The following FNDC3B variants were observed in gnomAD, a reference collection of about 807,000 sequenced individuals.
FNDC3B encodes the protein fibronectin type III domain containing 3B, also known as fibronectin type III domain-containing protein 3B.
In FNDC3B, 12 loss-of-function variants were observed where a neutral mutation model predicts 151.5. That is an observed-to-expected ratio of 0.08 (90% CI 0.05 to 0.13). The LOEUF (loss-of-function observed/expected upper bound fraction) is 0.13, where lower values mean the gene tolerates loss of function less well. FNDC3B is among the 10% of genes least tolerant of loss of function. The probability of loss-of-function intolerance (pLI) is 1.00; values close to 1 mark genes in which losing one functional copy is unlikely to be tolerated. For missense variants in FNDC3B, 1,214 were observed against 1,505.3 expected, an observed-to-expected ratio of 0.81 and a Z score of 3.20; for synonymous variants, 528 against 549.0, an observed-to-expected ratio of 0.96 and a Z score of 0.54.
intron 1 of FNDC3B, among the ~76,000 whole-genome samples, chr3:172,066,179 C>T (rs796692939): frequency 6.6e-6 from 1 of 152,140 alleles, no homozygotes; most frequent in Non-Finnish European, 1.5e-5. Context: ...GTTCTGTCTT[C>T]CCATGATTCT....
At chr3:172,114,584 T>G (rs1720149226) in intron 2 of FNDC3B, among the ~76,000 whole-genome samples, 2 of 152,174 alleles carry the variant, frequency 1.3e-5, no homozygotes, top group Admixed American at 6.5e-5. Flanking sequence ...CAATTTTGGT[T>G]AATAAAACCA....
At chr3:172,343,933 A>G (rs146084895) in intron 18 of FNDC3B, among the ~76,000 whole-genome samples, 153 bp from the exon 19 acceptor site, 1 of 152,232 alleles carries the variant, frequency 6.6e-6, no homozygotes, top group African/African-American at 2.4e-5. Flanking sequence ...TTATTTTTAT[A>G]TCTCTTTTTT....
At chr3:172,237,189 C>T (rs759614625) in intron 4 of FNDC3B, 1 of 152,256 alleles carries the variant, frequency 6.6e-6, no homozygotes, top group Non-Finnish European at 1.5e-5. Context: ...AGACAAGCAC[C>T]AGTACCTTCA....
At chr3:172,363,587 A>T (rs1323169134) in intron 23 of FNDC3B, among the ~76,000 whole-genome samples, 1 of 152,230 alleles carries the variant, frequency 6.6e-6, no homozygotes, top group African/African-American at 2.4e-5. Flanking sequence ...TAAAACCAAA[A>T]CAACCAAAAT....
chr3:172,146,054 T>C (rs1002841114), intron 3 of FNDC3B, among the ~76,000 whole-genome samples: 4 of 152,120 alleles, frequency 2.6e-5, no homozygotes, highest in Non-Finnish European at 5.9e-5. Context: ...CTCAGGTGAT[T>C]TGCCCGCCTC....
chr3:172,115,220 A>G (rs1048178795), intron 2 of FNDC3B, among the ~76,000 whole-genome samples: 2 of 152,090 alleles, frequency 1.3e-5, no homozygotes, highest in Non-Finnish European at 2.9e-5. Flanking sequence ...AACATTTAGC[A>G]TTGGCCTAGG....
intron 2 of FNDC3B, among the ~76,000 whole-genome samples, chr3:172,113,899 T>C (rs1449385825): frequency 6.6e-6 from 1 of 152,174 alleles, no homozygotes; most frequent in Non-Finnish European, 1.5e-5. Flanking sequence ...GTTGGCTTTA[T>C]CTCAGGAGTG....
intron 24 of FNDC3B, among the ~76,000 whole-genome samples, chr3:172,379,307 C>T (rs961143922): frequency 6.6e-6 from 1 of 152,188 alleles, no homozygotes; most frequent in Non-Finnish European, 1.5e-5. Context: ...AGCTATTGCT[C>T]AAAATAACCC....
intron 24 of FNDC3B, 48 bp downstream of exon 24, chr3:172,378,484 C>A (rs914057961): frequency 8.2e-6 from 12 of 1,468,270 alleles, no homozygotes; most frequent in East Asian, 2.4e-5. Context: ...GAGTAAGGAA[C>A]TGTTGGGACT....
At chr3:172,047,297 C>T (rs1402964521) in intron 1 of FNDC3B, among the ~76,000 whole-genome samples, 1 of 151,938 alleles carries the variant, frequency 6.6e-6, no homozygotes, top group African/African-American at 2.4e-5. Flanking sequence ...TTTAAGATTC[C>T]CCATAGCCTA....
chr3:172,250,793 G>A (rs1167915378), intron 5 of FNDC3B, among the ~76,000 whole-genome samples: 1 of 152,150 alleles, frequency 6.6e-6, no homozygotes, highest in African/African-American at 2.4e-5. Flanking sequence ...TGCTTTAAAT[G>A]TATATCATGT....
At chr3:172,285,695 C>T (rs538687828) in intron 6 of FNDC3B, among the ~76,000 whole-genome samples, 2 of 152,144 alleles carry the variant, frequency 1.3e-5, no homozygotes, top group Non-Finnish European at 2.9e-5. Context: ...TCCTTAACAT[C>T]GCGAACACTT....
At chr3:172,185,132 T>C (rs537662305) in intron 3 of FNDC3B, among the ~76,000 whole-genome samples, 1 of 152,366 alleles carries the variant, frequency 6.6e-6, no homozygotes, top group South Asian at 2.1e-4. Context: ...CATTGGTCTA[T>C]TAATAACACT....
intron 8 of FNDC3B, among the ~76,000 whole-genome samples, chr3:172,297,666 G>A (rs1029652744): frequency 6.6e-6 from 1 of 151,898 alleles, no homozygotes; most frequent in Non-Finnish European, 1.5e-5. Context: ...AGTAGAGACG[G>A]GGTTTCACCG....
chr3:172,043,773 GA>G (rs1397197616), intron 1 of FNDC3B, among the ~76,000 whole-genome samples: 6 of 152,178 alleles, frequency 3.9e-5, no homozygotes, highest in African/African-American at 1.4e-4. Context: ...AAAACTGGTG[GA>G]AAAATCTTTA....
intron 23 of FNDC3B, among the ~76,000 whole-genome samples, chr3:172,370,077 T>G (rs1348169103): frequency 1.3e-5 from 2 of 152,208 alleles, no homozygotes; most frequent in African/African-American, 2.4e-5. Context: ...CAGGTTATTT[T>G]AGGTCAGCAG....
intron 11 of FNDC3B, among the ~76,000 whole-genome samples, chr3:172,315,551 A>G (rs34818697): frequency 0.12 from 18,174 of 152,136 alleles, 1,122 homozygotes; most frequent in Middle Eastern, 0.2. Flanking sequence ...GGGTTTAATA[A>G]CTGACCCCGC....
intron 3 of FNDC3B, among the ~76,000 whole-genome samples, chr3:172,192,318 A>G (rs936427216): frequency 2.6e-5 from 4 of 151,752 alleles, no homozygotes; most frequent in Non-Finnish European, 1.5e-5. Flanking sequence ...GACCACAGGC[A>G]TGTGCCACCA....
chr3:172,186,849 A>G (rs1031503758), intron 3 of FNDC3B: 17 of 656,706 alleles, frequency 2.6e-5, no homozygotes, highest in African/African-American at 1.5e-4. Flanking sequence ...TGGCTTTTCA[A>G]TGTCTGAAGT....
Sources: gnomAD v4.1 joint callset for allele counts (sites outside exome capture counted in the v4.1 genomes callset) on GRCh38, gnomAD v4.1.1 for gene constraint, MANE v1.5 for transcripts, NCBI Gene and HGNC (gene_info 2026-07-23, HGNC 2026-07-21) for gene names.